ADAMTSL1: variants seen among roughly 807,000 people sequenced by gnomAD.
The protein encoded by ADAMTSL1 is ADAMTS-like protein 1.
ADAMTSL1 carries 126 observed loss-of-function variants against 201.8 expected under a neutral mutation model. The ratio of observed to expected loss-of-function variants is 0.62; its 90% confidence interval spans 0.54 to 0.72. The LOEUF (loss-of-function observed/expected upper bound fraction) is 0.72. Among genes scored for constraint, ADAMTSL1 ranks in the 30% least tolerant of loss-of-function variants. The pLI is 0.00. For synonymous variants in ADAMTSL1, 1,121 were observed against 903.4 expected, an observed-to-expected ratio of 1.24 and a Z score of -4.32; for missense variants, 2,679 against 2,277.8, an observed-to-expected ratio of 1.18 and a Z score of -3.59.
In ADAMTSL1 at chr9:18,109,905, A is replaced by G. The variant is rs147126351; in HGVS notation, c.88-53957A>G. 5.9e-5 allele frequency among the ~76,000 whole-genome samples: 9 copies of G among 152,278 alleles called. No individual in the cohort carries two copies. In the East Asian group the frequency reaches 1.7e-3, roughly 29 times the overall value. On this transcript the variant is annotated intron_variant, in intron 1 of 29. Transcript: ENST00000680146. Reference sequence around the variant, plus strand: ...GAGCAGAGTGACAGACTGATACCATATGTTCTTTCATAAGCAGTATCACTT... The same window carrying G: ...GAGCAGAGTGACAGACTGATACCATGTGTTCTTTCATAAGCAGTATCACTT...
chr9:17,946,465 A>T (rs1411835821), intron 1 of ADAMTSL1, among the ~76,000 whole-genome samples: 1 of 152,136 alleles, frequency 6.6e-6, no homozygotes, highest in Admixed American at 6.6e-5. Flanking sequence ...TTCTCCGTTT[A>T]GAAGACATTC....
chr9:18,522,756 A>G (rs1350417933), intron 2 of ADAMTSL1, among the ~76,000 whole-genome samples: 1 of 151,634 alleles, frequency 6.6e-6, no homozygotes, highest in Non-Finnish European at 1.5e-5. Context: ...CCATGTCCCT[A>G]CATAGGACAT....
intron 1 of ADAMTSL1, among the ~76,000 whole-genome samples, chr9:18,083,213 G>A (rs1191057949): frequency 6.6e-6 from 1 of 152,210 alleles, no homozygotes; most frequent in Admixed American, 6.5e-5. Context: ...CATTGAAACA[G>A]TGATAGGCTG....
chr9:18,234,164 C>T (rs1272231774), intron 2 of ADAMTSL1, among the ~76,000 whole-genome samples: 1 of 152,130 alleles, frequency 6.6e-6, no homozygotes, highest in Non-Finnish European at 1.5e-5. Context: ...CCAATATGAT[C>T]CCACATTTCT....
chr9:18,906,134 A>G (rs1406174222), intron 27 of ADAMTSL1, among the ~76,000 whole-genome samples: 1 of 152,126 alleles, frequency 6.6e-6, no homozygotes, highest in Non-Finnish European at 1.5e-5. Flanking sequence ...CAAGGGTGTT[A>G]TTCTTCTGAG....
intron 1 of ADAMTSL1, among the ~76,000 whole-genome samples, chr9:17,919,803 G>A (rs1826236324): frequency 6.6e-6 from 1 of 152,046 alleles, no homozygotes; most frequent in Admixed American, 6.6e-5. Context: ...GTTTTTGGGT[G>A]GACAAATGTT....
chr9:18,805,336 G>GT (rs545022751), intron 20 of ADAMTSL1, among the ~76,000 whole-genome samples: 2 of 152,192 alleles, frequency 1.3e-5, no homozygotes, highest in Non-Finnish European at 2.9e-5. Flanking sequence ...TCTAACAAAT[G>GT]TATTACCTCT....
At chr9:18,270,922 A>G (rs13288253) in intron 2 of ADAMTSL1, among the ~76,000 whole-genome samples, 11,913 of 152,202 alleles carry the variant, frequency 0.078, 527 homozygotes, top group African/African-American at 0.11. Flanking sequence ...CTGAAGAAAG[A>G]AGACTCTAGG....
chr9:18,029,422 T>G (rs1483391333), intron 1 of ADAMTSL1, among the ~76,000 whole-genome samples: 1 of 152,122 alleles, frequency 6.6e-6, no homozygotes, highest in East Asian at 1.9e-4. Flanking sequence ...ACTTACATGT[T>G]ACACCTAAAA....
intron 23 of ADAMTSL1, among the ~76,000 whole-genome samples, chr9:18,862,495 C>T (rs1223626851): frequency 6.6e-6 from 1 of 152,182 alleles, no homozygotes; most frequent in African/African-American, 2.4e-5. Flanking sequence ...CTTCTCAGAG[C>T]AGTAGCACCT....
intron 2 of ADAMTSL1, among the ~76,000 whole-genome samples, chr9:18,529,091 T>G (rs1404148237): frequency 2.6e-5 from 4 of 152,248 alleles, no homozygotes; most frequent in Admixed American, 6.5e-5. Flanking sequence ...ATCCTTGTGG[T>G]GGAATAGTCA....
intron 4 of ADAMTSL1, among the ~76,000 whole-genome samples, chr9:18,596,722 T>G (rs926074990): frequency 3.9e-5 from 6 of 152,200 alleles, no homozygotes; most frequent in Admixed American, 1.3e-4. Flanking sequence ...GATTTATTCA[T>G]TCAACAGATT....
intron 4 of ADAMTSL1, chr9:18,574,542 T>C: frequency 3.6e-6 from 2 of 559,780 alleles, no homozygotes; most frequent in South Asian, 5.3e-5. Flanking sequence ...AATTATGTAC[T>C]AGACTTTGAA....
intron 3 of ADAMTSL1, among the ~76,000 whole-genome samples, chr9:18,540,248 T>G (rs1279272738): frequency 6.6e-6 from 1 of 152,214 alleles, no homozygotes; most frequent in Non-Finnish European, 1.5e-5. Context: ...CTTATGAAGC[T>G]TATATTATAG....
intron 2 of ADAMTSL1, among the ~76,000 whole-genome samples, chr9:18,173,660 A>T (rs569093571): frequency 6.6e-6 from 1 of 152,266 alleles, no homozygotes; most frequent in Non-Finnish European, 1.5e-5. Context: ...GAAGTAATAA[A>T]ATGTGAAGCA....
intron 12 of ADAMTSL1, among the ~76,000 whole-genome samples, chr9:18,684,370 T>C (rs1267062472): frequency 6.6e-6 from 1 of 152,136 alleles, no homozygotes; most frequent in Non-Finnish European, 1.5e-5. Context: ...CCAAGGTAAA[T>C]GCTGCTCTAT....
intron 2 of ADAMTSL1, among the ~76,000 whole-genome samples, chr9:18,295,753 A>G (rs1198262601): frequency 6.6e-6 from 1 of 152,208 alleles, no homozygotes; most frequent in African/African-American, 2.4e-5. Flanking sequence ...GTTCATGTAC[A>G]TACTCCAAGC....
chr9:18,800,113 A>G (rs868329774), intron 20 of ADAMTSL1, among the ~76,000 whole-genome samples: 2 of 152,184 alleles, frequency 1.3e-5, no homozygotes, highest in African/African-American at 4.8e-5. Flanking sequence ...ACGGTGGCTC[A>G]TGCCTGTAAT....
At chr9:18,894,777 C>G (rs10811056) in intron 26 of ADAMTSL1, among the ~76,000 whole-genome samples, 57,759 of 151,934 alleles carry the variant, frequency 0.38, 11,868 homozygotes, top group East Asian at 0.52. Flanking sequence ...CATTAGTATA[C>G]AAGTGGTGGC....
Sources: gnomAD v4.1 joint callset for allele counts (sites outside exome capture counted in the v4.1 genomes callset) on GRCh38, gnomAD v4.1.1 for gene constraint, MANE v1.5 for transcripts, NCBI Gene and HGNC (gene_info 2026-07-23, HGNC 2026-07-21) for gene names.